Variants in TESC observed in about 807,000 individuals in gnomAD.
TESC encodes the protein calcineurin B homologous protein 3.
Under a neutral mutation model 31.0 loss-of-function variants are expected in TESC, and 19 were observed. The ratio of observed to expected loss-of-function variants is 0.61; its 90% CI spans 0.43 to 0.90. TESC has a LOEUF of 0.90. Among genes scored for constraint, TESC ranks in the 40% least tolerant of loss-of-function variants. The pLI, the probability that TESC is intolerant of heterozygous loss-of-function variation, is 0.00. For missense variants in TESC, 248 were observed against 303.8 expected (o/e 0.82, Z 1.36); for synonymous variants, 109 against 114.8 (o/e 0.95, Z 0.32).
In TESC at chr12:117,041,900, C is replaced by T. The variant is rs770190129; in HGVS notation, c.567+47G>A. 5.8e-6 allele frequency: 9 copies of T among 1,544,462 alleles called. No homozygotes were observed. In the East Asian group the frequency reaches 7.3e-5, roughly 13 times the overall value. ...GTCCCCTCCTGACCAGTGGGCCACACGAGGTCTTCAAGGGTCCCCCGAGGC... is the reference window on the plus strand; with the variant it reads ...GTCCCCTCCTGACCAGTGGGCCACATGAGGTCTTCAAGGGTCCCCCGAGGC... On this transcript the variant is annotated intron_variant, in intron 7 of 7. Transcript: ENST00000335209.
rs777879037 is a variant in TESC at position 117,075,257 on chromosome 12, G to A, written c.128+14C>T. 1.9e-5 allele frequency: 30 copies of A among 1,611,758 alleles called. No homozygotes were observed. Among genetic ancestry groups the A allele is most frequent in the African/African-American group, 4.0e-5 (3 of 74,886 alleles). ...ATGGCCCCACCCAGCACCCAAACCC[G>A]CTGCCAATCTTACCGAATGGTAGGC... is the stretch of plus-strand genomic sequence containing the variant. On this transcript the variant is annotated intron_variant, in intron 2 of 7. Coordinates refer to ENST00000335209, the MANE Select transcript of TESC (RefSeq NM_017899.4).
chr12:117,046,947 G>A, intron 4 of TESC, 109 bp from the exon 5 acceptor site: 1 of 1,202,794 alleles, frequency 8.3e-7, no homozygotes. Flanking sequence ...AAACCTCAAT[G>A]CCAAAGCCAG....
At chr12:117,081,848 G>T (rs947310692) in intron 1 of TESC, among the ~76,000 whole-genome samples, 1 of 152,044 alleles carries the variant, frequency 6.6e-6, no homozygotes, top group Non-Finnish European at 1.5e-5. Context: ...AGGTTGCAGC[G>T]AGCCGAGATC....
chr12:117,067,293 G>A (rs576917517), intron 2 of TESC, among the ~76,000 whole-genome samples: 1 of 152,262 alleles, frequency 6.6e-6, no homozygotes, highest in East Asian at 1.9e-4. Flanking sequence ...GGCCAGGCAT[G>A]GTGTCTCATG....
At chr12:117,059,945 G>A (rs138134896) in intron 2 of TESC, among the ~76,000 whole-genome samples, 52 of 152,280 alleles carry the variant, frequency 3.4e-4, no homozygotes, top group African/African-American at 1.1e-3. Flanking sequence ...AAGACATGAT[G>A]CTCAGTGGAA....
At chr12:117,089,140 G>A (rs1955268317) in intron 1 of TESC, among the ~76,000 whole-genome samples, 1 of 152,250 alleles carries the variant, frequency 6.6e-6, no homozygotes, top group African/African-American at 2.4e-5. Context: ...AGGGGAAAGA[G>A]CAGGCTTCTG....
intron 2 of TESC, among the ~76,000 whole-genome samples, chr12:117,066,395 G>T (rs1436798554): frequency 1.5e-5 from 2 of 137,566 alleles, no homozygotes; most frequent in Non-Finnish European, 3.1e-5. Flanking sequence ...TTTTTGAGAC[G>T]GAGTCTCACT....
At chr12:117,098,570 GGCCGATGCGGGGCGCGCA>G (rs1955425738) in intron 1 of TESC, 1 of 152,390 alleles carries the variant, frequency 6.6e-6, no homozygotes, top group African/African-American at 2.4e-5. Context: ...CCCGCCTCCG[GGCCGATGCGGGGCGCGCA>G]GCCTTTGCTG....
chr12:117,046,098 C>CGG (rs1223021783), intron 6 of TESC, among the ~76,000 whole-genome samples: 1 of 152,216 alleles, frequency 6.6e-6, no homozygotes, highest in African/African-American at 2.4e-5. Flanking sequence ...GGCTCCTCCA[C>CGG]CGGACTCCAT....
rs184672450 is a variant in TESC at position 117,039,057 on chromosome 12, G to T, written c.*76C>A. 9 of 1,531,292 alleles carry T rather than the reference G, an allele frequency of 5.9e-6. No individual in the cohort carries two copies. Among genetic ancestry groups the T allele is most frequent in the Non-Finnish European group, 8.0e-6 (9 of 1,121,422 alleles). The allele number at this position is 1,531,292 out of a possible 1,614,324, so 94.9% of individuals were successfully genotyped here. A position where few individuals can be genotyped will look rare whatever the true frequency, so the allele number is the denominator to read the frequency against. ...GCGCTGCAGGAAGAGGCTGTCCGCCGGGCCTGGGCTGCTCCAGCTACGCGG... is the reference window on the plus strand; with the variant it reads ...GCGCTGCAGGAAGAGGCTGTCCGCCTGGCCTGGGCTGCTCCAGCTACGCGG... On this transcript the variant is annotated 3_prime_UTR_variant, in exon 8 of 8. Coordinates refer to ENST00000335209, the MANE Select transcript of TESC (RefSeq NM_017899.4).
At chr12:117,060,547 G>A (rs976487838) in intron 2 of TESC, among the ~76,000 whole-genome samples, 2 of 152,146 alleles carry the variant, frequency 1.3e-5, no homozygotes, top group Admixed American at 6.6e-5. Context: ...GATGATCTAC[G>A]AAATCACGAT....
chr12:117,058,253 A>C (rs897211645), intron 2 of TESC, among the ~76,000 whole-genome samples: 1 of 151,966 alleles, frequency 6.6e-6, no homozygotes, highest in African/African-American at 2.4e-5. Context: ...AAATACAAAC[A>C]AAAAAAACCC....
chr12:117,059,454 C>G (rs958202798), intron 2 of TESC, among the ~76,000 whole-genome samples: 1 of 152,042 alleles, frequency 6.6e-6, no homozygotes, highest in African/African-American at 2.4e-5. Context: ...AAACCCAGTT[C>G]AAAAGAAGGA....
In TESC at chr12:117,099,341, G is replaced by A. The variant is rs781468139; in HGVS notation, c.-59C>T. 6 of 1,355,290 alleles carry A rather than the reference G, an allele frequency of 4.4e-6. No homozygotes were observed. The South Asian group carries it at 1.0e-4, about 23-fold the overall frequency. The allele number at this position is 1,355,290 out of a possible 1,614,324, so 84.0% of individuals were successfully genotyped here. On this transcript the variant is annotated 5_prime_UTR_variant, in exon 1 of 8. Coordinates refer to ENST00000335209, the MANE Select transcript of TESC (RefSeq NM_017899.4). The stretch of plus-strand genomic sequence containing the variant: ...CCTCTCAGGCCCCGCACTGGCTTCG[G>A]CTGCGCAGCGGCGGGACTGGCCTCG...
At chr12:117,075,918 T>TGTGTGG (rs1955063041) in intron 1 of TESC, among the ~76,000 whole-genome samples, 1 of 99,140 alleles carries the variant, frequency 1.0e-5, no homozygotes, top group Non-Finnish European at 1.9e-5. Context: ...TATATATGTG[T>TGTGTGG]GTGTGTATAT....
intron 3 of TESC, among the ~76,000 whole-genome samples, chr12:117,051,636 G>A (rs1481378138): frequency 3.9e-5 from 6 of 152,126 alleles, no homozygotes; most frequent in African/African-American, 1.2e-4. Context: ...TGGCTCACAC[G>A]TCCTTCCCAA....
At position 117,044,358 on chromosome 12, in the gene TESC, C is replaced by T. The variant is rs1954526210; in HGVS notation, c.519+2201G>A. ...CCAGCCCTGTCCCTAATGGCTCCTT[C>T]CTCCCTGTCTTCCCACTCACGGGCA... is the stretch of plus-strand genomic sequence containing the variant. On this transcript the variant is annotated intron_variant, in intron 6 of 7. Coordinates refer to ENST00000335209, the MANE Select transcript of TESC (RefSeq NM_017899.4). Among the ~76,000 whole-genome samples, 8 of 152,328 alleles carry T rather than the reference C, an allele frequency of 5.3e-5. No homozygotes were observed. The South Asian group carries it at 1.7e-3, about 32-fold the overall frequency.
At chr12:117,075,897 A>ATATATATGTGTG (rs1955058407) in intron 1 of TESC, among the ~76,000 whole-genome samples, 1 of 66,396 alleles carries the variant, frequency 1.5e-5, no homozygotes, top group African/African-American at 8.4e-5. Flanking sequence ...ATATATATAT[A>ATATATATGTGTG]TATATATATA....
Position 117,046,816 on chromosome 12 carries a change from C to T in TESC, c.372G>A (p.Ser124=), listed in dbSNP as rs781608300. The T allele has an allele frequency of 6.4e-5, 100 of 1,572,054 alleles. 1 individual carries two copies. The Middle Eastern group carries it at 6.6e-4, about 10-fold the overall frequency. The change falls in exon 5 of 8, where the codon TCG becomes TCA. Residue 124 remains serine, a synonymous_variant. Transcript: ENST00000335209. ...KLRFLFHMYD[S]DSDGRITLEE... Reference sequence around the variant, plus strand: ...CCAGAGTGATGCGGCCGTCGCTGTCCGAGTCGTACATGTGGAACAGAACTA... The same window carrying T: ...CCAGAGTGATGCGGCCGTCGCTGTCTGAGTCGTACATGTGGAACAGAACTA...
Sources: gnomAD v4.1 joint callset for allele counts (sites outside exome capture counted in the v4.1 genomes callset) on GRCh38, gnomAD v4.1.1 for gene constraint, MANE v1.5 for transcripts, NCBI Gene and HGNC (gene_info 2026-07-23, HGNC 2026-07-21) for gene names.